TBX15: variants seen among roughly 807,000 people sequenced by gnomAD.
The protein encoded by TBX15 is T-box transcription factor TBX15.
TBX15 carries 18 observed loss-of-function variants against 53.9 expected under a neutral mutation model. That is an observed-to-expected ratio of 0.33 (90% CI 0.23 to 0.49). The LOEUF (loss-of-function observed/expected upper bound fraction) is 0.49. Among genes scored for constraint, TBX15 ranks in the 20% least tolerant of loss-of-function variants. TBX15 has a pLI of 0.98. For missense variants in TBX15, 692 were observed against 749.5 expected, an observed-to-expected ratio of 0.92 and a Z score of 0.90; for synonymous variants, 295 against 278.0, an observed-to-expected ratio of 1.06 and a Z score of -0.61.
At chr1:118,925,363 C>T (rs1655559443) in intron 3 of TBX15, among the ~76,000 whole-genome samples, 3 of 152,224 alleles carry the variant, frequency 2.0e-5, no homozygotes, top group Admixed American at 2.0e-4. Context: ...AGAATCTGGA[C>T]TTTGAGGCAT....
chr1:118,923,300 G>A (rs564913175), intron 5 of TBX15, 136 bp downstream of exon 5: 1 of 1,119,248 alleles, frequency 8.9e-7, no homozygotes, highest in Non-Finnish European at 1.3e-6. Flanking sequence ...CTCTAACACT[G>A]TATAGTACTT....
chr1:118,906,549 G>GGT (rs1335411557), intron 6 of TBX15, among the ~76,000 whole-genome samples: 1 of 152,162 alleles, frequency 6.6e-6, no homozygotes, highest in African/African-American at 2.4e-5. Flanking sequence ...GCCCAAGAGA[G>GGT]GTGGTTCTTT....
intron 6 of TBX15, among the ~76,000 whole-genome samples, chr1:118,912,767 C>T (rs376368104): frequency 2.8e-4 from 42 of 152,116 alleles, no homozygotes; most frequent in Admixed American, 2.3e-3. Context: ...TTGAAAATGA[C>T]GGCCTTTGTC....
At chr1:118,947,116 C>A (rs1656371645) in intron 1 of TBX15, among the ~76,000 whole-genome samples, 1 of 152,206 alleles carries the variant, frequency 6.6e-6, no homozygotes, top group African/African-American at 2.4e-5. Context: ...GCATCTGGCA[C>A]TGGGGTTGAG....
chr1:118,884,769 G>A lies in TBX15; in HGVS notation c.1772C>T (p.Pro591Leu). Residue 591 changes from proline to leucine, a missense_variant, in exon 8 of 8, where the codon CCA becomes CTA. Pro to Leu is a moderately conservative substitution (Grantham distance 98). Around this residue, in one of 3 missense-constraint regions of TBX15, gnomAD observed 375 missense variants for 371.6 expected, o/e 1.01. Coordinates refer to ENST00000369429, the MANE Select transcript of TBX15 (RefSeq NM_001330677.2). ...TCDGRQYGAVPGSSSQMSVHM... is the reference protein window; with the variant it reads ...TCDGRQYGAVLGSSSQMSVHM... The stretch of plus-strand genomic sequence containing the variant: ...CACGGACATCTGGGAGGAGGAGCCT[G>A]GAACTGCCCCATACTGCCGGCCATC... 6.2e-7 allele frequency: 1 copy of A among 1,614,112 alleles called. No individual in the cohort carries two copies. Among genetic ancestry groups the A allele is most frequent in the Non-Finnish European group, 8.5e-7 (1 of 1,180,004 alleles).
chr1:118,895,743 C>T (rs894440451), intron 7 of TBX15, among the ~76,000 whole-genome samples: 1 of 150,872 alleles, frequency 6.6e-6, no homozygotes, highest in Non-Finnish European at 1.5e-5. Flanking sequence ...AGACCATATA[C>T]TTGACTTATA....
intron 1 of TBX15, among the ~76,000 whole-genome samples, chr1:118,969,483 G>A (rs1657162312): frequency 1.3e-5 from 2 of 152,194 alleles, no homozygotes; most frequent in South Asian, 2.1e-4. Flanking sequence ...AGCATCTGAA[G>A]AGACTTCTTG....
chr1:118,918,293 T>C lies in TBX15; in HGVS notation c.862-4114A>G, dbSNP rs544028063. On this transcript the variant is annotated intron_variant, in intron 5 of 7. Transcript: ENST00000369429. The stretch of plus-strand genomic sequence containing the variant: ...ACAGGTAGGAACCATGTCTATTTTA[T>C]ATACCATTTAATTAAGCAGAACCTA... Among the ~76,000 whole-genome samples, 8 of 152,290 alleles carry C rather than the reference T, an allele frequency of 5.3e-5. No individual in the cohort carries two copies. The East Asian group carries it at 1.5e-3, about 29-fold the overall frequency.
At chr1:118,949,866 C>T (rs1465231447) in intron 1 of TBX15, among the ~76,000 whole-genome samples, 1 of 152,116 alleles carries the variant, frequency 6.6e-6, no homozygotes, top group African/African-American at 2.4e-5. Flanking sequence ...CTCTGGATCT[C>T]TCAGTGAGTT....
chr1:118,916,415 T>G (rs148155617), intron 5 of TBX15, among the ~76,000 whole-genome samples: 1 of 152,112 alleles, frequency 6.6e-6, no homozygotes, highest in Non-Finnish European at 1.5e-5. Flanking sequence ...AAAGGCACTA[T>G]GTAACACAGG....
At chr1:118,986,774 G>A (rs1020672207) in intron 1 of TBX15, among the ~76,000 whole-genome samples, 6 of 152,148 alleles carry the variant, frequency 3.9e-5, no homozygotes, top group Admixed American at 6.5e-5. Flanking sequence ...GTGCGCGCGC[G>A]CACACTCAAG....
chr1:118,921,471 C>T (rs144365683), intron 5 of TBX15, among the ~76,000 whole-genome samples: 29 of 152,272 alleles, frequency 1.9e-4, no homozygotes, highest in African/African-American at 6.7e-4. Context: ...AATTAGAATT[C>T]CAGAGCTTTC....
intron 1 of TBX15, among the ~76,000 whole-genome samples, chr1:118,937,955 T>C (rs1656019370): frequency 6.6e-6 from 1 of 152,182 alleles, no homozygotes; most frequent in Non-Finnish European, 1.5e-5. Context: ...CAGGAGCAAG[T>C]AAGTTCCTAT....
chr1:118,913,694 T>A (rs568696959), intron 6 of TBX15, among the ~76,000 whole-genome samples: 1 of 152,198 alleles, frequency 6.6e-6, no homozygotes, highest in Non-Finnish European at 1.5e-5. Flanking sequence ...TTTTTCACAC[T>A]GTTTTAGCTC....
chr1:118,984,186 G>A (rs1657740818), intron 1 of TBX15, among the ~76,000 whole-genome samples: 1 of 152,200 alleles, frequency 6.6e-6, no homozygotes, highest in African/African-American at 2.4e-5. Context: ...TGCGAGACCT[G>A]CCACGTGTAC....
In TBX15 at chr1:118,949,789, C is replaced by T. The variant is rs146762581; in HGVS notation, c.206-17957G>A. On this transcript the variant is annotated intron_variant, in intron 1 of 7. Transcript: ENST00000369429. ...AAGATGGTCCAGATTGCTAGGACCC[C>T]GAGAACTGGGAGAAAATGGGAGAAA... 1.3e-3 allele frequency among the ~76,000 whole-genome samples: 197 copies of T among 152,142 alleles called. 1 individual carries two copies. The highest frequency in any genetic ancestry group is 4.4e-3 in the African/African-American group (181 of 41,516).
At position 118,885,589 on chromosome 1, in the gene TBX15, A is replaced by C. The variant is rs1466788139; in HGVS notation, c.1025-73T>G. On this transcript the variant is annotated intron_variant, in intron 7 of 7. Transcript: ENST00000369429. ...AGTCTGCCTAAGTCACATGCAAGCC[A>C]TACAGGAGGTGCCTTCAAATGTCCA... The C allele has an allele frequency of 3.9e-6, 6 of 1,533,344 alleles. No homozygotes were observed. In the African/African-American group the frequency reaches 5.5e-5, roughly 14 times the overall value. The allele number at this position is 1,533,344 out of a possible 1,614,324, so 95.0% of individuals were successfully genotyped here.
chr1:118,952,550 C>A (rs2101658850), intron 1 of TBX15, among the ~76,000 whole-genome samples: 1 of 152,226 alleles, frequency 6.6e-6, no homozygotes, highest in South Asian at 2.1e-4. Flanking sequence ...GTCTTATGCC[C>A]TCTTTTTTTA....
rs115488745 is a variant in TBX15 at position 118,963,614 on chromosome 1, A to G, written c.205+23977T>C. On this transcript the variant is annotated intron_variant, in intron 1 of 7. Transcript: ENST00000369429. ...GGAAGCCATGTGTTGAGATGGTGGA[A>G]CTATAAAATGAAAGCAGACTGGGTC... Among the ~76,000 whole-genome samples the G allele has an allele frequency of 3.8e-3, 574 of 152,350 alleles. 2 individuals are homozygous for G. Among genetic ancestry groups the G allele is most frequent in the African/African-American group, 0.013 (548 of 41,576 alleles).
Sources: gnomAD v4.1 joint callset for allele counts (sites outside exome capture counted in the v4.1 genomes callset) on GRCh38, gnomAD v4.1.1 for gene constraint, gnomAD v4.1.1 regional missense constraint, MANE v1.5 for transcripts, NCBI Gene and HGNC (gene_info 2026-07-23, HGNC 2026-07-21) for gene names.